APC: variants seen among roughly 807,000 people sequenced by gnomAD.
APC encodes the protein APC regulator of Wnt signaling pathway.
In APC, 72 loss-of-function variants were observed where a neutral mutation model predicts 247.0. That is an observed-to-expected ratio of 0.29 (90% CI 0.24 to 0.35). APC has a LOEUF of 0.35. APC is among the 10% of genes least tolerant of loss of function. APC has a pLI of 1.00. For missense variants in APC, 3,400 were observed against 3,360.7 expected (o/e 1.01, Z -0.29); for synonymous variants, 1,254 against 1,162.5 (o/e 1.08, Z -1.60).
At position 112,755,972 on chromosome 5, in the gene APC, TA is replaced by T. The variant is rs1258038169; in HGVS notation, c.135+958del. On this transcript the variant is annotated intron_variant, in intron 2 of 15. Coordinates refer to ENST00000257430, the MANE Select transcript of APC (RefSeq NM_000038.6). ...AAAAAAAAAAAAATTACTTCCTTTA[TA>T]AAAAAAAAAATCTTCCTGCTTTGTG... Among the ~76,000 whole-genome samples, 155 of 148,548 alleles carry T rather than the reference TA, an allele frequency of 1.0e-3. 1 individual carries two copies. The highest frequency in any genetic ancestry group is 6.9e-3 in the Middle Eastern group (2 of 288).
At chr5:112,729,083 A>G (rs1260365920) in intron 1 of APC, among the ~76,000 whole-genome samples, 1 of 152,228 alleles carries the variant, frequency 6.6e-6, no homozygotes, top group Admixed American at 6.5e-5. Context: ...CCCTTGTATT[A>G]AAACTTCTTC....
intron 1 of APC, among the ~76,000 whole-genome samples, chr5:112,742,104 G>A (rs562217383): frequency 8.2e-4 from 124 of 152,070 alleles, no homozygotes; most frequent in African/African-American, 2.8e-3. Flanking sequence ...GTGTCTGCTT[G>A]GGTTTTACTT....
Position 112,840,719 on chromosome 5 carries a change from A to T in APC, c.5125A>T (p.Thr1709Ser), listed in dbSNP as rs1554086463. Residue 1709 changes from threonine (T) to serine (S), a missense_variant, in exon 16 of 16, where the codon ACC becomes TCC. By Grantham distance (58) the Thr-to-Ser change is moderately conservative. Transcript: ENST00000257430. The surrounding 1 kb of genome is among the most constrained non-coding windows in gnomAD (Gnocchi z 4.1). ...TCAAGGAGGAAAAACCTCATCTGTA[A>T]CCATACCTGAATTGGATGACAATAA... ...EAQGGKTSSV[T>S]IPELDDNKAE... is the part of the protein sequence containing the mutation. The T allele has an allele frequency of 6.2e-7, 1 of 1,614,168 alleles. No individual in the cohort carries two copies. The highest frequency in any genetic ancestry group is 1.3e-5 in the African/African-American group (1 of 75,058).
At chr5:112,825,608 T>A (rs1202246159) in intron 11 of APC, among the ~76,000 whole-genome samples, 1 of 152,196 alleles carries the variant, frequency 6.6e-6, no homozygotes, top group Admixed American at 6.5e-5. Context: ...TCCCAGCACT[T>A]TGGGAGGCCG....
chr5:112,843,290 A>G lies in APC; in HGVS notation c.7696A>G (p.Arg2566Gly), dbSNP rs1060504883. The G allele has an allele frequency of 6.2e-7, 1 of 1,612,864 alleles. No individual in the cohort carries two copies. The change falls in exon 16 of 16, where the codon AGA becomes GGA. Residue 2566 changes from arginine (R) to glycine (G), a missense_variant. This residue lies in a region of APC where 1,788 missense variants were observed against 1,649.5 expected (regional missense o/e 1.08). Transcript: ENST00000257430. This position sits in a 1 kb window ranked among gnomAD's most constrained non-coding sequence, Gnocchi z 4.8. The stretch of plus-strand genomic sequence containing the variant: ...CCTTCCTCGAGTAAGCACTTGGAGA[A>G]GAACTGGAAGTTCATCTTCAATTCT... ...SSLPRVSTWR[R>G]TGSSSSILSA... is the part of the protein sequence containing the mutation.
Position 112,841,269 on chromosome 5 carries a change from C to T in APC, c.5675C>T (p.Ala1892Val), listed in dbSNP as rs759914956. The change falls in exon 16 of 16, where the codon GCT becomes GTT. Residue 1892 changes from alanine to valine, a missense_variant. Transcript: ENST00000257430. This position sits in a 1 kb window ranked among gnomAD's most constrained non-coding sequence, Gnocchi z 4.6. ...GCAAAAGAAAATAAGGAATCAGAGG[C>T]TAAAGTTACCAGCCACACAGAACTA... Reference protein sequence around the residue: ...RKAKENKESEAKVTSHTELTS... With the variant: ...RKAKENKESEVKVTSHTELTS... 2 of 1,613,804 alleles carry T rather than the reference C, an allele frequency of 1.2e-6. No individual in the cohort carries two copies. Among genetic ancestry groups the T allele is most frequent in the Non-Finnish European group, 1.7e-6 (2 of 1,179,828 alleles).
intron 4 of APC, among the ~76,000 whole-genome samples, chr5:112,772,866 G>A (rs779256154): frequency 5.3e-5 from 8 of 152,144 alleles, no homozygotes; most frequent in Non-Finnish European, 8.8e-5. Context: ...GGAGGAAATA[G>A]TAGCATCACC....
chr5:112,800,104 G>C (rs1227356225), intron 7 of APC, among the ~76,000 whole-genome samples: 1 of 152,184 alleles, frequency 6.6e-6, no homozygotes, highest in Non-Finnish European at 1.5e-5. Context: ...AGGTCCAAGA[G>C]AGCATAGAAC....
intron 14 of APC, chr5:112,829,309 A>G (rs1295138248): frequency 2.2e-5 from 6 of 267,110 alleles, no homozygotes; most frequent in Non-Finnish European, 4.4e-5. Context: ...GGCTATTTGT[A>G]TTTTTAGTAG....
rs1302000703 is a variant in APC at position 112,845,086 on chromosome 5, T to A, written c.*960T>A. The A allele has an allele frequency of 4.3e-6, 1 of 232,328 alleles. No homozygotes were observed. Among genetic ancestry groups the A allele is most frequent in the Admixed American group, 5.6e-5 (1 of 17,758 alleles). The allele number at this position is 232,328 out of a possible 1,614,324, so 14.4% of individuals were successfully genotyped here. A position where few individuals can be genotyped will look rare whatever the true frequency, so the allele number is the denominator to read the frequency against. ...CTTATATAAATTTTTTTCTTCAGCT[T>A]CTATGCATTAAGAGTAAAATTCCTC... On this transcript the variant is annotated 3_prime_UTR_variant, in exon 16 of 16. Coordinates refer to ENST00000257430, the MANE Select transcript of APC (RefSeq NM_000038.6).
chr5:112,722,383 A>C (rs998262298), intron 1 of APC, among the ~76,000 whole-genome samples: 1 of 152,220 alleles, frequency 6.6e-6, no homozygotes, highest in Non-Finnish European at 1.5e-5. Flanking sequence ...ATCTTGGGAA[A>C]TTTACCAATT....
At chr5:112,775,561 A>G (rs2149613584) in intron 4 of APC, 68 bp from the exon 5 acceptor site, 2 of 909,426 alleles carry the variant, frequency 2.2e-6, no homozygotes, top group Non-Finnish European at 1.8e-6. Context: ...AACTGATGTA[A>G]GTATTGCTCT....
intron 6 of APC, among the ~76,000 whole-genome samples, chr5:112,782,423 A>G (rs1758450172): frequency 1.3e-5 from 2 of 152,128 alleles, no homozygotes; most frequent in Admixed American, 6.6e-5. Context: ...GTTTTGGAGT[A>G]TGGTGGAAGG....
chr5:112,758,306 TTTG>T (rs1429375568), intron 2 of APC, among the ~76,000 whole-genome samples: 2 of 134,312 alleles, frequency 1.5e-5, no homozygotes, highest in Admixed American at 8.3e-5. Flanking sequence ...ACTTGTTTTT[TTTG>T]TTTGTTTGTT....
intron 8 of APC, among the ~76,000 whole-genome samples, chr5:112,808,269 G>C (rs1761625076): frequency 6.6e-6 from 1 of 152,326 alleles, no homozygotes. Flanking sequence ...CAAACTTGCA[G>C]TTGTTTCATA....
intron 2 of APC, among the ~76,000 whole-genome samples, chr5:112,757,513 G>C (rs944843184): frequency 1.3e-5 from 2 of 152,006 alleles, no homozygotes; most frequent in African/African-American, 4.8e-5. Flanking sequence ...CAGAAAGATT[G>C]TTTGAGCTCA....
intron 1 of APC, among the ~76,000 whole-genome samples, chr5:112,728,082 ATT>A (rs112112370): frequency 8.2e-5 from 12 of 146,430 alleles, no homozygotes; most frequent in Non-Finnish European, 1.5e-4. Context: ...TTTTTTTGCA[ATT>A]TTTTTTTTTT....
intron 1 of APC, among the ~76,000 whole-genome samples, chr5:112,724,224 A>T (rs1751642728): frequency 1.3e-5 from 2 of 152,138 alleles, no homozygotes; most frequent in Non-Finnish European, 2.9e-5. Flanking sequence ...TTGCTACTAG[A>T]TACCTGGGAC....
chr5:112,781,145 G>C (rs959924204), intron 6 of APC, among the ~76,000 whole-genome samples: 17 of 152,172 alleles, frequency 1.1e-4, no homozygotes, highest in Non-Finnish European at 2.5e-4. Flanking sequence ...ATAAGGGAGA[G>C]ACAGAGTTAG....
Sources: allele counts gnomAD v4.1 joint callset (sites outside exome capture counted in the v4.1 genomes callset), GRCh38; gene constraint gnomAD v4.1.1; regional missense constraint gnomAD v4.1.1; non-coding constraint Gnocchi (gnomAD v3.1); transcripts MANE v1.5; gene names NCBI Gene and HGNC (gene_info 2026-07-23, HGNC 2026-07-21).